The following OTUD5 variants were observed in gnomAD, a reference collection of about 807,000 sequenced individuals.
OTUD5 encodes the protein OTU domain-containing protein 5.
OTUD5 carries 2 observed loss-of-function variants against 36.3 expected under a neutral mutation model. The ratio of observed to expected loss-of-function variants is 0.06; its 90% confidence interval spans 0.02 to 0.17. The LOEUF is 0.17. Ranked by LOEUF, OTUD5 falls within the 10% of genes least tolerant of loss-of-function variation. The probability of loss-of-function intolerance (pLI) is 1.00; values close to 1 mark genes in which losing one functional copy is unlikely to be tolerated. For synonymous variants in OTUD5, 234 were observed against 214.9 expected, an observed-to-expected ratio of 1.09 and a Z score of -0.78; for missense variants, 233 against 512.3, an observed-to-expected ratio of 0.45 and a Z score of 5.26.
intron 6 of OTUD5, among the ~76,000 whole-genome samples, chrX:48,924,591 T>G (rs1557047281): frequency 8.9e-6 from 1 of 111,982 alleles, no homozygotes; most frequent in Non-Finnish European, 1.9e-5. Context: ...TGACTTCATC[T>G]ACTACTACAT....
chrX:48,932,626 C>T (rs1474738764), intron 5 of OTUD5, among the ~76,000 whole-genome samples: 1 of 110,735 alleles, frequency 9.0e-6, no homozygotes, highest in Non-Finnish European at 1.9e-5. Context: ...CGCACCTGGC[C>T]AGAACATTCA....
intron 2 of OTUD5, among the ~76,000 whole-genome samples, chrX:48,942,338 G>C (rs970144002): frequency 5.2e-5 from 3 of 57,295 alleles, no homozygotes; most frequent in African/African-American, 1.8e-4. Flanking sequence ...ACACACACAC[G>C]GCTCTTGATA....
chrX:48,946,406 C>A (rs2064030767), intron 1 of OTUD5, among the ~76,000 whole-genome samples: 1 of 111,421 alleles, frequency 9.0e-6, no homozygotes, highest in South Asian at 3.7e-4. Context: ...AGATTATGCA[C>A]AACTGAGAGA....
chrX:48,947,333 C>T (rs1429939898), intron 1 of OTUD5, among the ~76,000 whole-genome samples: 2 of 109,557 alleles, frequency 1.8e-5, no homozygotes, highest in African/African-American at 3.3e-5. Flanking sequence ...TGCAGTGAGC[C>T]GGGATCATAC....
At chrX:48,946,435 T>A (rs2064031500) in intron 1 of OTUD5, among the ~76,000 whole-genome samples, 1 of 111,064 alleles carries the variant, frequency 9.0e-6, no homozygotes, top group Non-Finnish European at 1.9e-5. Context: ...AAGTCCCAGG[T>A]GAGTAGCGGG....
intron 2 of OTUD5, among the ~76,000 whole-genome samples, chrX:48,936,681 C>T (rs1243911934): frequency 8.9e-6 from 1 of 112,162 alleles, no homozygotes; most frequent in Non-Finnish European, 1.9e-5. Flanking sequence ...CCAAAGTCCA[C>T]CCCCAGCTCA....
chrX:48,923,844 C>T lies in OTUD5; in HGVS notation c.1465+7G>A, dbSNP rs1363968424. On this transcript the variant is annotated splice_region_variant and intron_variant, in intron 7 of 8. Transcript: ENST00000376488. ...CCCAGCACATTCCCTGTGGGCAAGT[C>T]ACTGACCTGGCGCACAGGGCGAAGG... The T allele has an allele frequency of 1.7e-6, 2 of 1,209,563 alleles. No homozygotes were observed. Among genetic ancestry groups the T allele is most frequent in the East Asian group, 5.9e-5 (2 of 33,758 alleles).
In OTUD5 at chrX:48,922,895, C is replaced by A; in HGVS notation, c.*279G>T. ...GTGTGCCTCTTGTCTATCTTCGGCACCCTTGCCCGAGTCCCCTGTGGAATG... is the reference window on the plus strand; with the variant it reads ...GTGTGCCTCTTGTCTATCTTCGGCAACCTTGCCCGAGTCCCCTGTGGAATG... On this transcript the variant is annotated 3_prime_UTR_variant, in exon 9 of 9. Transcript: ENST00000376488. The A allele has an allele frequency of 1.0e-6, 1 of 952,873 alleles. No individual in the cohort carries two copies. Among genetic ancestry groups the A allele is most frequent in the African/African-American group, 2.0e-5 (1 of 50,336 alleles). The allele number at this position is 952,873 out of a possible 1,213,427, so 78.5% of individuals were successfully genotyped here.
intron 1 of OTUD5, among the ~76,000 whole-genome samples, chrX:48,947,380 GT>G (rs1308149609): frequency 9.1e-6 from 1 of 109,489 alleles, no homozygotes; most frequent in Admixed American, 9.7e-5. Flanking sequence ...GTGAGACTCT[GT>G]CTCAAAAAAA....
Position 48,926,062 on chromosome X carries a change from G to A in OTUD5, c.1060-12C>T. 3 of 1,180,436 alleles carry A rather than the reference G, an allele frequency of 2.5e-6. No homozygotes were observed. The highest frequency in any genetic ancestry group is 3.5e-6 in the Non-Finnish European group (3 of 868,673). On this transcript the variant is annotated splice_polypyrimidine_tract_variant and intron_variant, in intron 5 of 8. Coordinates refer to ENST00000376488, the MANE Select transcript of OTUD5 (RefSeq NM_001136157.2). ...GACTGCTCTGCAAACTGCAAGGAGG[G>A]AGAGGAACAGGGATGTGCAATAACA...
chrX:48,923,430 T>C (rs1557046804), intron 8 of OTUD5, 135 bp from the exon 9 acceptor site: 1 of 582,399 alleles, frequency 1.7e-6, no homozygotes, highest in African/African-American at 2.3e-5. Context: ...CAGAAGGATC[T>C]GCTAGGCCTG....
chrX:48,925,784 T>C, intron 6 of OTUD5, 63 bp downstream of exon 6: 1 of 992,157 alleles, frequency 1.0e-6, no homozygotes, highest in Non-Finnish European at 1.4e-6. Context: ...TCTGCTCGCT[T>C]GAGGGCAAAG....
intron 5 of OTUD5, among the ~76,000 whole-genome samples, chrX:48,933,922 G>C (rs2063794096): frequency 9.0e-6 from 1 of 111,694 alleles, no homozygotes; most frequent in African/African-American, 3.3e-5. Context: ...GAGAGAGAGA[G>C]AGAAATGAAT....
intron 2 of OTUD5, among the ~76,000 whole-genome samples, chrX:48,938,431 G>A (rs939065993): frequency 8.9e-6 from 1 of 111,765 alleles, no homozygotes; most frequent in Non-Finnish European, 1.9e-5. Context: ...GGTGGCTCAC[G>A]CCTGTAATCC....
chrX:48,953,508 T>C (rs1030478069), intron 1 of OTUD5, among the ~76,000 whole-genome samples: 4 of 111,444 alleles, frequency 3.6e-5, no homozygotes, highest in Admixed American at 1.9e-4. Context: ...GTGAGGAAAC[T>C]GAGGCCCAGA....
intron 5 of OTUD5, among the ~76,000 whole-genome samples, chrX:48,926,753 A>G (rs1050097624): frequency 1.8e-5 from 2 of 111,071 alleles, no homozygotes; most frequent in African/African-American, 6.6e-5. Context: ...AAAATTAGCT[A>G]TGTGTGCACC....
Position 48,936,931 on chromosome X carries a change from C to G in OTUD5, c.689-1913G>C, listed in dbSNP as rs782263182. Among the ~76,000 whole-genome samples, 13 of 111,812 alleles carry G rather than the reference C, an allele frequency of 1.2e-4. No individual in the cohort carries two copies. In the South Asian group the frequency reaches 4.8e-3, roughly 41 times the overall value. On this transcript the variant is annotated intron_variant, in intron 2 of 8. Coordinates refer to ENST00000376488, the MANE Select transcript of OTUD5 (RefSeq NM_001136157.2). Reference sequence around the variant, plus strand: ...GGAACACTCCTGAGTTCTTCCCTGTCAGTCTACCTCTCTGAAGAACTGTCA... The same window carrying G: ...GGAACACTCCTGAGTTCTTCCCTGTGAGTCTACCTCTCTGAAGAACTGTCA...
At chrX:48,954,993 C>G (rs1169446283) in intron 1 of OTUD5, among the ~76,000 whole-genome samples, 1 of 111,937 alleles carries the variant, frequency 8.9e-6, no homozygotes, top group East Asian at 2.8e-4. Context: ...GATGACCTCA[C>G]GTTCCTCTCC....
At chrX:48,952,286 G>A (rs1478887810) in intron 1 of OTUD5, among the ~76,000 whole-genome samples, 1 of 112,007 alleles carries the variant, frequency 8.9e-6, no homozygotes, top group East Asian at 2.8e-4. Context: ...TAGATTAGTG[G>A]TTGCCAGAGG....
Sources: gnomAD v4.1 joint callset for allele counts (sites outside exome capture counted in the v4.1 genomes callset) on GRCh38, gnomAD v4.1.1 for gene constraint, MANE v1.5 for transcripts, NCBI Gene and HGNC (gene_info 2026-07-23, HGNC 2026-07-21) for gene names.